Variants in SLCO2B1 observed in about 807,000 individuals in gnomAD.
The protein encoded by SLCO2B1 is solute carrier organic anion transporter family member 2B1, also known as OATP-RP2.
In SLCO2B1, 41 loss-of-function variants were observed where a neutral mutation model predicts 67.3. The ratio of observed to expected loss-of-function variants is 0.61; its 90% confidence interval spans 0.47 to 0.79. The LOEUF is 0.79. Ranked by LOEUF, SLCO2B1 falls within the 30% of genes least tolerant of loss-of-function variation. The pLI, the probability that SLCO2B1 is intolerant of heterozygous loss-of-function variation, is 0.00. For missense variants in SLCO2B1, 837 were observed against 920.1 expected (o/e 0.91, Z 1.17); for synonymous variants, 379 against 381.4 (o/e 0.99, Z 0.07).
chr11:75,203,423 A>C lies in SLCO2B1; in HGVS notation c.1945A>C (p.Asn649His), dbSNP rs1945217635. The C allele has an allele frequency of 1.2e-6, 2 of 1,613,966 alleles. No homozygotes were observed. Among genetic ancestry groups the C allele is most frequent in the Admixed American group, 3.3e-5 (2 of 59,992 alleles). ...CTACTACAATAATGACCTGCTCCGA[A>C]ACCGGTGAGACCTGGTTTGATGGCT... ...CRYYNNDLLRNRFIGLQFFFK... is the reference protein window; with the variant it reads ...CRYYNNDLLRHRFIGLQFFFK... The change falls in exon 13 of 14, where the codon AAC becomes CAC. Residue 649 changes from asparagine to histidine, a missense_variant. Asn to His is a moderately conservative substitution (Grantham distance 68). Transcript: ENST00000289575.
At chr11:75,185,810 A>G (rs1944917412) in intron 7 of SLCO2B1, among the ~76,000 whole-genome samples, 1 of 152,134 alleles carries the variant, frequency 6.6e-6, no homozygotes, top group Admixed American at 6.6e-5. Context: ...ATAGGATGAA[A>G]AAAGATCATG....
intron 1 of SLCO2B1, among the ~76,000 whole-genome samples, chr11:75,154,076 C>T (rs1462072270): frequency 6.6e-6 from 1 of 151,740 alleles, no homozygotes; most frequent in Admixed American, 6.6e-5. Context: ...CAGGCACTCA[C>T]CACCACGCCC....
rs758966336 is a variant in SLCO2B1, at chr11:75,161,363, G to A, written c.17-1292G>A. Among the ~76,000 whole-genome samples the A allele has an allele frequency of 3.3e-5, 5 of 152,196 alleles. No individual in the cohort carries two copies. The East Asian group carries it at 9.6e-4, about 29-fold the overall frequency. Reference sequence around the variant, plus strand: ...TGAAAATATTCTGGAATTAGATAGTGGAGATAGTTGTATGGCTTTGTAAAT... The same window carrying A: ...TGAAAATATTCTGGAATTAGATAGTAGAGATAGTTGTATGGCTTTGTAAAT... On this transcript the variant is annotated intron_variant, in intron 1 of 13. Transcript: ENST00000289575.
In SLCO2B1 at chr11:75,193,424, G is replaced by A. The variant is rs1420576123; in HGVS notation, c.1282G>A (p.Gly428Ser). 4 of 1,614,022 alleles carry A rather than the reference G, an allele frequency of 2.5e-6. No homozygotes were observed. The highest frequency in any genetic ancestry group is 3.4e-6 in the Non-Finnish European group (4 of 1,179,916). The change falls in exon 9 of 14, where the codon GGT becomes AGT. Residue 428 changes from glycine (G) to serine (S), a missense_variant. Gly to Ser is a moderately conservative substitution (Grantham distance 56). Coordinates refer to ENST00000289575, the MANE Select transcript of SLCO2B1 (RefSeq NM_007256.5). The surrounding 1 kb of genome is among the most constrained non-coding windows in gnomAD (Gnocchi z 4.2). Reference protein sequence around the residue: ...FPSVIVGIVVGGVLVKRLHLG... With the variant: ...FPSVIVGIVVSGVLVKRLHLG... ...TTCGGTCATCGTGGGCATCGTGGTG[G>A]GTGGCGTCCTGGTCAAGCGGCTCCA... is the stretch of plus-strand genomic sequence containing the variant.
intron 7 of SLCO2B1, among the ~76,000 whole-genome samples, chr11:75,175,353 A>G (rs1288907220): frequency 2.6e-5 from 4 of 152,200 alleles, no homozygotes; most frequent in Admixed American, 1.3e-4. Flanking sequence ...CAAAGGCCCA[A>G]TGAGGCTGAA....
chr11:75,159,972 G>A, intron 1 of SLCO2B1: 2 of 547,682 alleles, frequency 3.7e-6, no homozygotes, highest in Non-Finnish European at 4.7e-6. Context: ...ACAGGCTGGG[G>A]CACAGCAAGG....
chr11:75,166,572 C>T (rs1949895193), intron 4 of SLCO2B1, among the ~76,000 whole-genome samples: 1 of 152,052 alleles, frequency 6.6e-6, no homozygotes, highest in Non-Finnish European at 1.5e-5. Flanking sequence ...CCCACCCACC[C>T]ACTCACCCAT....
At chr11:75,163,721 C>G (rs1213968660) in intron 2 of SLCO2B1, among the ~76,000 whole-genome samples, 1 of 152,044 alleles carries the variant, frequency 6.6e-6, no homozygotes, top group Non-Finnish European at 1.5e-5. Flanking sequence ...GTAACCATCT[C>G]TCTCTGCCCC....
At position 75,193,502 on chromosome 11, in the gene SLCO2B1, C is replaced by T. The variant is rs965832666; in HGVS notation, c.1360C>T (p.Leu454Phe). 12 of 1,604,982 alleles carry T rather than the reference C, an allele frequency of 7.5e-6. No homozygotes were observed. Among genetic ancestry groups the T allele is most frequent in the Non-Finnish European group, 9.4e-6 (11 of 1,174,528 alleles). ...ALCLLGMLLC[L>F]FFSLPLFFIG... is the part of the protein sequence containing the mutation. ...TTGCCTGCTGGGGATGCTGCTGTGC[C>T]TCTTCTTCAGCCTGCCGCTCTTCTT... The change falls in exon 9 of 14, where the codon CTC (leucine) becomes TTC (phenylalanine). Residue 454 changes from leucine to phenylalanine, a missense_variant. Leu to Phe is a conservative substitution (Grantham distance 22). Transcript: ENST00000289575. This position sits in a 1 kb window ranked among gnomAD's most constrained non-coding sequence, Gnocchi z 4.2.
At chr11:75,153,714 G>A (rs1165781325) in intron 1 of SLCO2B1, among the ~76,000 whole-genome samples, 3 of 152,188 alleles carry the variant, frequency 2.0e-5, no homozygotes, top group African/African-American at 7.2e-5. Context: ...AGGAGCGGGG[G>A]TCACTGGGCA....
Position 75,193,721 on chromosome 11 carries a change from G to T in SLCO2B1, c.1433+146G>T. 1 of 682,216 alleles carries T rather than the reference G, an allele frequency of 1.5e-6. No individual in the cohort carries two copies. The highest frequency in any genetic ancestry group is 2.3e-6 in the Non-Finnish European group (1 of 427,498). The allele number at this position is 682,216 out of a possible 1,614,324, so 42.3% of individuals were successfully genotyped here. On this transcript the variant is annotated intron_variant, in intron 9 of 13. Transcript: ENST00000289575. The surrounding 1 kb of genome is among the most constrained non-coding windows in gnomAD (Gnocchi z 4.2). ...CTGCTTAACAGCCCTTTAGAGATTC[G>T]AGTCAAGCAGTGGGGTGCTCCAGAA...
At chr11:75,203,216 A>C in intron 12 of SLCO2B1, 91 bp from the exon 13 acceptor site, 1 of 1,525,664 alleles carries the variant, frequency 6.6e-7, no homozygotes, top group Non-Finnish European at 8.8e-7. Flanking sequence ...AGGCCCCAGT[A>C]ACCCAGAGCC....
chr11:75,160,683 C>T (rs932100840), intron 1 of SLCO2B1, among the ~76,000 whole-genome samples: 1 of 152,222 alleles, frequency 6.6e-6, no homozygotes, highest in Non-Finnish European at 1.5e-5. Context: ...TTCAACAGTT[C>T]CTTGCTTCCT....
At chr11:75,159,658 GC>G (rs1949791008) in intron 1 of SLCO2B1, 1 of 163,730 alleles carries the variant, frequency 6.1e-6, no homozygotes, top group Non-Finnish European at 1.3e-5. Flanking sequence ...TGCCTGACAA[GC>G]CCCATTCAGT....
chr11:75,196,393 A>T, intron 9 of SLCO2B1, 121 bp from the exon 10 acceptor site: 1 of 1,014,044 alleles, frequency 9.9e-7, no homozygotes, highest in Non-Finnish European at 1.4e-6. Flanking sequence ...TGATGATGAA[A>T]ATCCTCTGTG....
At chr11:75,194,362 CG>C (rs1945070582) in intron 9 of SLCO2B1, among the ~76,000 whole-genome samples, 1 of 152,206 alleles carries the variant, frequency 6.6e-6, no homozygotes, top group Non-Finnish European at 1.5e-5. Context: ...GCCCAACACT[CG>C]GCTAGAATTT....
In SLCO2B1 at chr11:75,172,529, G is replaced by A. The variant is rs564410502; in HGVS notation, c.932G>A (p.Arg311Gln). 1.2e-5 allele frequency: 20 copies of A among 1,614,108 alleles called. No individual in the cohort carries two copies. The highest frequency in any genetic ancestry group is 5.5e-5 in the South Asian group (5 of 91,076). The stretch of plus-strand genomic sequence containing the variant: ...AAGGAAAAACGTGAGCTTCAGTTTC[G>A]GCGAAAGGTCTTAGCAGTCACAGAC... ...MPKEKRELQF[R>Q]RKVLAVTDSP... is the part of the protein sequence containing the mutation. The change falls in exon 7 of 14, where the codon CGG (arginine) becomes CAG (glutamine). Residue 311 changes from arginine (R) to glutamine (Q), a missense_variant. Physicochemically the swap from Arg to Gln is conservative, Grantham distance 43. Coordinates refer to ENST00000289575, the MANE Select transcript of SLCO2B1 (RefSeq NM_007256.5).
At chr11:75,163,109 G>A (rs1016569731) in intron 2 of SLCO2B1, among the ~76,000 whole-genome samples, 4 of 152,116 alleles carry the variant, frequency 2.6e-5, no homozygotes, top group Non-Finnish European at 5.9e-5. Flanking sequence ...GATACTGGGA[G>A]TCCTAGCTCC....
chr11:75,183,535 T>C (rs1432401667), intron 7 of SLCO2B1, among the ~76,000 whole-genome samples: 1 of 151,814 alleles, frequency 6.6e-6, no homozygotes, highest in Non-Finnish European at 1.5e-5. Context: ...GTATGAGTTG[T>C]TTTTTTTGAG....
Sources: allele counts gnomAD v4.1 joint callset (sites outside exome capture counted in the v4.1 genomes callset), GRCh38; gene constraint gnomAD v4.1.1; non-coding constraint Gnocchi (gnomAD v3.1); transcripts MANE v1.5; gene names NCBI Gene and HGNC (gene_info 2026-07-23, HGNC 2026-07-21).